The following HS2ST1 variants were observed in gnomAD, a reference collection of about 807,000 sequenced individuals.
HS2ST1 encodes heparan sulfate 2-O-sulfotransferase 1.
HS2ST1 carries 18 observed loss-of-function variants against 42.9 expected under a neutral mutation model. The observed-to-expected ratio is 0.42, with a 90% CI of 0.29 to 0.62. The LOEUF is 0.62. Ranked by LOEUF, HS2ST1 falls within the 20% of genes least tolerant of loss-of-function variation. The pLI is 0.21. For missense variants in HS2ST1, 334 were observed against 433.8 expected (o/e 0.77, Z 2.04); for synonymous variants, 146 against 152.9 (o/e 0.95, Z 0.33).
intron 1 of HS2ST1, among the ~76,000 whole-genome samples, chr1:87,037,113 T>G (rs1650394679): frequency 2.3e-5 from 1 of 44,194 alleles, no homozygotes; most frequent in Non-Finnish European, 6.2e-5. Context: ...CTTTTTTTTT[T>G]AATCTGCTCC....
intron 1 of HS2ST1, among the ~76,000 whole-genome samples, chr1:86,921,653 C>G (rs908009757): frequency 9.9e-5 from 15 of 152,174 alleles, no homozygotes; most frequent in African/African-American, 2.9e-4. Flanking sequence ...ATTTCTACCC[C>G]CAACCATGTG....
chr1:87,025,943 C>T (rs1279658305), intron 1 of HS2ST1, among the ~76,000 whole-genome samples: 1 of 152,068 alleles, frequency 6.6e-6, no homozygotes, highest in Non-Finnish European at 1.5e-5. Flanking sequence ...GCAGTTAAAG[C>T]AGGGTGGACT....
At chr1:87,087,109 A>G (rs1651834655) in intron 3 of HS2ST1, among the ~76,000 whole-genome samples, 1 of 152,104 alleles carries the variant, frequency 6.6e-6, no homozygotes, top group Non-Finnish European at 1.5e-5. Flanking sequence ...AAAATATTAA[A>G]TATTCCTCCC....
intron 1 of HS2ST1, among the ~76,000 whole-genome samples, chr1:87,040,274 C>G (rs527336841): frequency 2.2e-4 from 34 of 152,160 alleles, no homozygotes; most frequent in African/African-American, 4.3e-4. Flanking sequence ...TCTGTCTCCC[C>G]CTCCCCGCTC....
chr1:87,043,436 T>C (rs912605057), intron 1 of HS2ST1, among the ~76,000 whole-genome samples: 2 of 152,134 alleles, frequency 1.3e-5, no homozygotes, highest in African/African-American at 4.8e-5. Flanking sequence ...AAGTACCTTA[T>C]GCTTTACCTG....
At chr1:87,005,569 A>G (rs1376603078) in intron 1 of HS2ST1, among the ~76,000 whole-genome samples, 1 of 152,184 alleles carries the variant, frequency 6.6e-6, no homozygotes, top group Non-Finnish European at 1.5e-5. Flanking sequence ...GCAATTGTGG[A>G]TTCAATAATT....
intron 1 of HS2ST1, among the ~76,000 whole-genome samples, chr1:87,002,636 AAAG>A (rs1287270036): frequency 6.6e-6 from 1 of 151,946 alleles, no homozygotes; most frequent in Admixed American, 6.6e-5. Flanking sequence ...AAAAGAAAAA[AAAG>A]AGTTAAACCT....
rs148536789 is a variant in HS2ST1 at position 87,058,241 on chromosome 1, A to G, written c.125-14693A>G. On this transcript the variant is annotated intron_variant, in intron 1 of 6. Coordinates refer to ENST00000370550, the MANE Select transcript of HS2ST1 (RefSeq NM_012262.4). Reference sequence around the variant, plus strand: ...ATATGAGTATCTCCAGAGACTAATAACTTACCACCCCCTAAACTGCCTGTG... The same window carrying G: ...ATATGAGTATCTCCAGAGACTAATAGCTTACCACCCCCTAAACTGCCTGTG... Among the ~76,000 whole-genome samples the G allele has an allele frequency of 6.6e-5, 10 of 151,614 alleles. 1 individual carries two copies. The highest frequency in any genetic ancestry group is 2.4e-4 in the African/African-American group (10 of 40,946).
intron 1 of HS2ST1, among the ~76,000 whole-genome samples, chr1:86,994,599 T>A (rs1377820396): frequency 6.6e-6 from 1 of 152,132 alleles, no homozygotes; most frequent in Non-Finnish European, 1.5e-5. Context: ...AACAAATTAA[T>A]AGTGATTGTT....
chr1:86,941,496 G>T (rs1463297705), intron 1 of HS2ST1, among the ~76,000 whole-genome samples: 1 of 152,072 alleles, frequency 6.6e-6, no homozygotes, highest in Non-Finnish European at 1.5e-5. Context: ...TTACAGCCGG[G>T]CACCGTGGCT....
At chr1:87,009,861 C>T (rs1021982050) in intron 1 of HS2ST1, among the ~76,000 whole-genome samples, 9 of 151,800 alleles carry the variant, frequency 5.9e-5, no homozygotes, top group African/African-American at 1.2e-4. Context: ...GGTGAAACCC[C>T]GTCTCTACTA....
At chr1:87,068,130 G>A (rs1261803579) in intron 1 of HS2ST1, among the ~76,000 whole-genome samples, 2 of 152,090 alleles carry the variant, frequency 1.3e-5, no homozygotes, top group South Asian at 2.1e-4. Context: ...GATGGGGATA[G>A]CATTGAATCT....
intron 1 of HS2ST1, among the ~76,000 whole-genome samples, chr1:86,957,460 G>T (rs1433459234): frequency 6.6e-6 from 1 of 152,206 alleles, no homozygotes; most frequent in East Asian, 1.9e-4. Context: ...AACATGTGAT[G>T]TCTCAGCTCT....
At chr1:86,956,231 A>G (rs1487709991) in intron 1 of HS2ST1, among the ~76,000 whole-genome samples, 1 of 152,216 alleles carries the variant, frequency 6.6e-6, no homozygotes, top group Non-Finnish European at 1.5e-5. Context: ...AGCAAGTGAT[A>G]ATATTGACTC....
At chr1:87,088,009 G>A (rs550694900) in intron 3 of HS2ST1, among the ~76,000 whole-genome samples, 1 of 152,190 alleles carries the variant, frequency 6.6e-6, no homozygotes, top group South Asian at 2.1e-4. Flanking sequence ...ACTTCATGGG[G>A]TGGTGGTGAG....
chr1:87,101,362 C>T (rs564291120), intron 5 of HS2ST1, among the ~76,000 whole-genome samples: 3 of 151,542 alleles, frequency 2.0e-5, no homozygotes, highest in Non-Finnish European at 2.9e-5. Flanking sequence ...GATGGGGTTT[C>T]GCTATGTTGG....
chr1:87,003,985 C>A (rs928820804), intron 1 of HS2ST1, among the ~76,000 whole-genome samples: 3 of 152,140 alleles, frequency 2.0e-5, no homozygotes, highest in Admixed American at 6.5e-5. Flanking sequence ...CCTCAGCTAA[C>A]TTGTTACATT....
chr1:86,962,637 GTTC>G (rs1014753675), intron 1 of HS2ST1, among the ~76,000 whole-genome samples: 4 of 152,192 alleles, frequency 2.6e-5, no homozygotes, highest in Non-Finnish European at 4.4e-5. Flanking sequence ...TGGATGCTGT[GTTC>G]AGCTAGACAG....
chr1:86,943,127 GTA>G (rs1174858863), intron 1 of HS2ST1, among the ~76,000 whole-genome samples: 2 of 152,100 alleles, frequency 1.3e-5, no homozygotes, highest in Non-Finnish European at 2.9e-5. Flanking sequence ...TTTAAAAAAA[GTA>G]TTGGTTTAAG....
Sources: gnomAD v4.1 joint callset for allele counts (sites outside exome capture counted in the v4.1 genomes callset) on GRCh38, gnomAD v4.1.1 for gene constraint, MANE v1.5 for transcripts, NCBI Gene and HGNC (gene_info 2026-07-23, HGNC 2026-07-21) for gene names.